HIPK4: variants seen among roughly 807,000 people sequenced by gnomAD.
HIPK4 encodes the protein homeodomain-interacting protein kinase 4.
Under a neutral mutation model 44.8 loss-of-function variants are expected in HIPK4, and 26 were observed. The observed-to-expected ratio is 0.58, with a 90% CI of 0.43 to 0.80. The LOEUF (loss-of-function observed/expected upper bound fraction) is 0.80. Ranked by LOEUF, HIPK4 falls within the 30% of genes least tolerant of loss-of-function variation. HIPK4 has a pLI of 0.00. For synonymous variants in HIPK4, 340 were observed against 355.5 expected (o/e 0.96, Z 0.49); for missense variants, 729 against 862.6 (o/e 0.85, Z 1.94).
Position 40,386,443 on chromosome 19 carries a change from T to C in HIPK4, c.466-2304A>G, listed in dbSNP as rs540665592. ...ATCGTAGCTCACTGTAGCCGCGAACTCCAGGGCTCACAAGATCCTCCCGCC... is the reference window on the plus strand; with the variant it reads ...ATCGTAGCTCACTGTAGCCGCGAACCCCAGGGCTCACAAGATCCTCCCGCC... On this transcript the variant is annotated intron_variant, in intron 1 of 3. Transcript: ENST00000291823. 1.1e-4 allele frequency among the ~76,000 whole-genome samples: 17 copies of C among 152,084 alleles called. No individual in the cohort carries two copies. In the South Asian group the frequency reaches 3.5e-3, roughly 32 times the overall value.
chr19:40,383,489 T>C (rs530758379), intron 2 of HIPK4, among the ~76,000 whole-genome samples: 43 of 151,882 alleles, frequency 2.8e-4, no homozygotes, highest in African/African-American at 1.0e-3. Flanking sequence ...ATGATCATAG[T>C]TCACTGTAGC....
Position 40,389,866 on chromosome 19 carries a change from T to G in HIPK4, c.37A>C (p.Ile13Leu). ...GTCCCCTTGCCCAAGACCTCGATGA[T>G]GTCGTAGCAGTCAGTCTCCGACTGG... ...TIQSETDCYD[I>L]IEVLGKGTFG... Residue 13 changes from isoleucine to leucine, a missense_variant, in exon 1 of 4, where the codon ATC (isoleucine) becomes CTC (leucine). This residue lies in a region of HIPK4 where 196 missense variants were observed against 295.1 expected (regional missense o/e 0.66). Transcript: ENST00000291823. The surrounding 1 kb of genome is among the most constrained non-coding windows in gnomAD (Gnocchi z 4.6). 6.2e-7 allele frequency: 1 copy of G among 1,612,036 alleles called. No homozygotes were observed. The highest frequency in any genetic ancestry group is 8.5e-7 in the Non-Finnish European group (1 of 1,179,992).
At position 40,389,597 on chromosome 19, in the gene HIPK4, C is replaced by G. The variant is rs754287958; in HGVS notation, c.306G>C (p.Glu102Asp). Reference sequence around the variant, plus strand: ...GGGCGGGGAGGGGCGCGAAGTTGTTCTCCTTCTGGAACTCGAAAAGGTTTT... The same window carrying G: ...GGGCGGGGAGGGGCGCGAAGTTGTTGTCCTTCTGGAACTCGAAAAGGTTTT... ...LEQNLFEFQKENNFAPLPARH... is the reference protein window; with the variant it reads ...LEQNLFEFQKDNNFAPLPARH... The change falls in exon 1 of 4, where the codon GAG becomes GAC. Residue 102 changes from glutamate (E) to aspartate (D), a missense_variant. Glu to Asp is a conservative substitution (Grantham distance 45). This residue lies in a region of HIPK4 where 196 missense variants were observed against 295.1 expected (regional missense o/e 0.66). Transcript: ENST00000291823. The surrounding 1 kb of genome is among the most constrained non-coding windows in gnomAD (Gnocchi z 4.6). 1.2e-6 allele frequency: 2 copies of G among 1,614,108 alleles called. No homozygotes were observed. Among genetic ancestry groups the G allele is most frequent in the Non-Finnish European group, 1.7e-6 (2 of 1,180,032 alleles).
At chr19:40,388,030 T>TC (rs1555799662) in intron 1 of HIPK4, among the ~76,000 whole-genome samples, 51 of 138,416 alleles carry the variant, frequency 3.7e-4, no homozygotes, top group African/African-American at 1.1e-3. Flanking sequence ...TTTTTTTTTT[T>TC]CTGAGACAGA....
Position 40,380,502 on chromosome 19 carries a change from A to C in HIPK4, c.1489T>G (p.Ser497Ala), listed in dbSNP as rs781040015. 6.2e-7 allele frequency: 1 copy of C among 1,612,712 alleles called. No homozygotes were observed. Among genetic ancestry groups the C allele is most frequent in the Non-Finnish European group, 8.5e-7 (1 of 1,179,930 alleles). The change falls in exon 3 of 4, where the codon TCC (serine) becomes GCC (alanine). Residue 497 changes from serine to alanine, a missense_variant. By Grantham distance (99) the Ser-to-Ala change is moderately conservative (BLOSUM62 1). Coordinates refer to ENST00000291823, the MANE Select transcript of HIPK4 (RefSeq NM_144685.5). This position sits in a 1 kb window ranked among gnomAD's most constrained non-coding sequence, Gnocchi z 4.2. ...ATGAGGTTGCTGAAGTTGGAGTCGG[A>C]CTTGGAACCCGCAGGTGGCTTGCGG... ...KARKPPAGSK[S>A]DSNFSNLIRL...
rs757235841 is a variant in HIPK4 at position 40,380,767 on chromosome 19, G to A, written c.1224C>T (p.Ala408=). ...EKEAAGMGSV[A]GSSPFFREEK... ...CCTCTCGGAAGAAGGGGCTGCTGCC[G>A]GCCACACTGCCCATACCCGCAGCCT... The change falls in exon 3 of 4, where the codon GCC becomes GCT. Residue 408 remains alanine (A), a synonymous_variant. Coordinates refer to ENST00000291823, the MANE Select transcript of HIPK4 (RefSeq NM_144685.5). The surrounding 1 kb of genome is among the most constrained non-coding windows in gnomAD (Gnocchi z 4.2). 119 of 1,614,040 alleles carry A rather than the reference G, an allele frequency of 7.4e-5. No individual in the cohort carries two copies. The Admixed American group carries it at 9.7e-4, about 13-fold the overall frequency.
intron 1 of HIPK4, among the ~76,000 whole-genome samples, chr19:40,387,517 C>G (rs780585982): frequency 1.3e-5 from 2 of 152,114 alleles, no homozygotes; most frequent in African/African-American, 2.4e-5. Context: ...ACTCTTTTGT[C>G]CAAGCTGGAG....
At chr19:40,386,006 C>T (rs112804419) in intron 1 of HIPK4, among the ~76,000 whole-genome samples, 3 of 151,608 alleles carry the variant, frequency 2.0e-5, no homozygotes, top group Admixed American at 1.3e-4. Flanking sequence ...CACCCAGGTC[C>T]ACCATTGCTC....
In HIPK4 at chr19:40,383,789, C is replaced by T; in HGVS notation, c.816G>A (p.Glu272=). The change falls in exon 2 of 4, where the codon GAG becomes GAA. Residue 272 remains glutamate, a synonymous_variant. Transcript: ENST00000291823. The part of the protein sequence containing the change: ...QLKSSADYLA[E]TKVRPLERRK... ...CACCCAACTTTTCCCTTACCTTCGT[C>T]TCGGCCAGGTAGTCAGCCGAGGACT... is the stretch of plus-strand genomic sequence containing the variant. 1 of 1,603,142 alleles carries T rather than the reference C, an allele frequency of 6.2e-7. No homozygotes were observed. The highest frequency in any genetic ancestry group is 8.5e-7 in the Non-Finnish European group (1 of 1,172,150).
At position 40,380,416 on chromosome 19, in the gene HIPK4, T is replaced by C. The variant is rs2079327184; in HGVS notation, c.1575A>G (p.Glu525=). 1 of 1,614,204 alleles carries C rather than the reference T, an allele frequency of 6.2e-7. No homozygotes were observed. Among genetic ancestry groups the C allele is most frequent in the East Asian group, 2.2e-5 (1 of 44,884 alleles). The change falls in exon 3 of 4, where the codon GAA becomes GAG. Residue 525 remains glutamate, a synonymous_variant. Transcript: ENST00000291823. The surrounding 1 kb of genome is among the most constrained non-coding windows in gnomAD (Gnocchi z 4.2). ...CAGCAGAGGCCCCGAGATGCTCTCC[T>C]TCCTCCCAGCTGCTGCCCCGGCAGG... ...DRPCRGSSWE[E]GEHLGASAEP...
At chr19:40,386,675 C>T (rs549008073) in intron 1 of HIPK4, among the ~76,000 whole-genome samples, 3 of 152,100 alleles carry the variant, frequency 2.0e-5, no homozygotes, top group African/African-American at 4.8e-5. Flanking sequence ...CTCTCCCCAG[C>T]GAGGATGTCA....
chr19:40,381,306 G>C (rs1444348246), intron 2 of HIPK4, 138 bp from the exon 3 acceptor site: 2 of 709,648 alleles, frequency 2.8e-6, no homozygotes, highest in African/African-American at 3.6e-5. Context: ...TGGCTGCTAG[G>C]AGGGCCACCC....
chr19:40,389,179 G>C lies in HIPK4; in HGVS notation c.465+259C>G, dbSNP rs916420121. Among the ~76,000 whole-genome samples the C allele has an allele frequency of 1.3e-5, 2 of 151,654 alleles. No homozygotes were observed. Among genetic ancestry groups the C allele is most frequent in the Non-Finnish European group, 2.9e-5 (2 of 67,936 alleles). ...TCTGATAAGTACAAAAAAAAAATTA[G>C]CTGGGCGTGGTGGCGCATCCCTGTA... On this transcript the variant is annotated intron_variant, in intron 1 of 3. Transcript: ENST00000291823. The surrounding 1 kb of genome is among the most constrained non-coding windows in gnomAD (Gnocchi z 4.6).
chr19:40,383,117 C>T (rs1212812108), intron 2 of HIPK4, among the ~76,000 whole-genome samples: 3 of 116,308 alleles, frequency 2.6e-5, no homozygotes, highest in Non-Finnish European at 3.3e-5. Context: ...GAGTCTCACT[C>T]TGTTGCCCAG....
rs774403063 is a variant in HIPK4, at chr19:40,379,708, T to A, written c.1730A>T (p.Asp577Val). The part of the protein sequence containing the change: ...SCPGEWLSEP[D>V]CTLESVRGPR... ...GCCCCTGACGCTCTCCAGGGTGCAG[T>A]CTGGCTCACTCAGCCATTCTCCAGG... Residue 577 changes from aspartate (D) to valine (V), a missense_variant, in exon 4 of 4, where the codon GAC becomes GTC. By Grantham distance (152) the Asp-to-Val change is radical (BLOSUM62 -3). This residue lies in a region of HIPK4 where 533 missense variants were observed against 567.5 expected (regional missense o/e 0.94). Transcript: ENST00000291823. The A allele has an allele frequency of 6.2e-7, 1 of 1,609,148 alleles. No individual in the cohort carries two copies. The highest frequency in any genetic ancestry group is 8.5e-7 in the Non-Finnish European group (1 of 1,178,610).
In HIPK4 at chr19:40,380,856, G is replaced by C. The variant is rs1407260544; in HGVS notation, c.1135C>G (p.Pro379Ala). 1 of 1,608,708 alleles carries C rather than the reference G, an allele frequency of 6.2e-7. No individual in the cohort carries two copies. Among genetic ancestry groups the C allele is most frequent in the Admixed American group, 1.7e-5 (1 of 59,950 alleles). Reference protein sequence around the residue: ...YRLSLQVEGKPPTPVVAAEDG... With the variant: ...YRLSLQVEGKAPTPVVAAEDG... The stretch of plus-strand genomic sequence containing the variant: ...TCTGCGGCCACGACGGGCGTGGGGG[G>C]CTTCCCCTCCACTTGCAGCGAGAGG... The change falls in exon 3 of 4, where the codon CCC (proline) becomes GCC (alanine). Residue 379 changes from proline to alanine, a missense_variant. Physicochemically the swap from Pro to Ala is conservative, Grantham distance 27. Coordinates refer to ENST00000291823, the MANE Select transcript of HIPK4 (RefSeq NM_144685.5). This position sits in a 1 kb window ranked among gnomAD's most constrained non-coding sequence, Gnocchi z 4.2.
intron 1 of HIPK4, among the ~76,000 whole-genome samples, chr19:40,386,102 C>G (rs1771616712): frequency 6.6e-6 from 1 of 151,558 alleles, no homozygotes; most frequent in Admixed American, 6.6e-5. Context: ...CGGAGTCTCG[C>G]TCTGTTGGCC....
At chr19:40,384,929 G>C (rs1260530423) in intron 1 of HIPK4, among the ~76,000 whole-genome samples, 1 of 152,120 alleles carries the variant, frequency 6.6e-6, no homozygotes, top group Non-Finnish European at 1.5e-5. Flanking sequence ...TAGTTGTTAA[G>C]TCCCTATCTC....
chr19:40,382,016 G>C (rs2079339681), intron 2 of HIPK4, among the ~76,000 whole-genome samples: 1 of 151,972 alleles, frequency 6.6e-6, no homozygotes, highest in Non-Finnish European at 1.5e-5. Flanking sequence ...ATGTTGGCCA[G>C]GCTGTTCTCG....
Sources: allele counts gnomAD v4.1 joint callset (sites outside exome capture counted in the v4.1 genomes callset), GRCh38; gene constraint gnomAD v4.1.1; regional missense constraint gnomAD v4.1.1; non-coding constraint Gnocchi (gnomAD v3.1); transcripts MANE v1.5; gene names NCBI Gene and HGNC (gene_info 2026-07-23, HGNC 2026-07-21).